The following CSMD3 variants were observed in gnomAD, a reference collection of about 807,000 sequenced individuals.
CSMD3 encodes CUB and sushi domain-containing protein 3.
A neutral mutation model predicts 435.2 loss-of-function variants in CSMD3; 177 were observed. The observed-to-expected ratio is 0.41, with a 90% CI of 0.36 to 0.46. The LOEUF is 0.46. Ranked by LOEUF, CSMD3 falls within the 20% of genes least tolerant of loss-of-function variation. The pLI, the probability that CSMD3 is intolerant of heterozygous loss-of-function variation, is 0.34. For synonymous variants in CSMD3, 1,656 were observed against 1,520.5 expected (o/e 1.09, Z -2.07); for missense variants, 4,265 against 4,504.6 (o/e 0.95, Z 1.52).
rs544129171 is a variant in CSMD3, at chr8:112,975,493, T to C, written c.1342+344A>G. Among the ~76,000 whole-genome samples the C allele has an allele frequency of 1.2e-4, 18 of 152,270 alleles. No homozygotes were observed. The South Asian group carries it at 1.2e-3, about 11-fold the overall frequency. On this transcript the variant is annotated intron_variant, in intron 7 of 70. Transcript: ENST00000297405. ...GCACTTATTAATCAAAACTGGCTAC[T>C]TTATTTTCCTGTTTTGTGAACATCA...
intron 41 of CSMD3, among the ~76,000 whole-genome samples, chr8:112,345,773 T>C (rs1468362221): frequency 6.6e-6 from 1 of 152,096 alleles, no homozygotes; most frequent in Admixed American, 6.5e-5. Context: ...TATTTAGTTC[T>C]TCCAAAATGT....
intron 37 of CSMD3, 135 bp from the exon 38 acceptor site, chr8:112,380,591 A>T (rs531549348): frequency 1.6e-6 from 1 of 630,238 alleles, no homozygotes; most frequent in Admixed American, 2.5e-5. Context: ...AAAAAAATTT[A>T]ATAGAAATAT....
chr8:113,028,817 C>T (rs2086972120), intron 5 of CSMD3, among the ~76,000 whole-genome samples: 1 of 151,470 alleles, frequency 6.6e-6, no homozygotes, highest in Non-Finnish European at 1.5e-5. Flanking sequence ...AAGAAGACAT[C>T]TTCATAATAT....
chr8:112,656,906 C>T (rs530835851), intron 17 of CSMD3, among the ~76,000 whole-genome samples: 2 of 152,086 alleles, frequency 1.3e-5, no homozygotes, highest in Admixed American at 6.6e-5. Flanking sequence ...AATGATGATA[C>T]ATTTGATGTT....
chr8:112,411,004 T>C (rs1183007006), intron 32 of CSMD3, among the ~76,000 whole-genome samples: 2 of 97,034 alleles, frequency 2.1e-5, no homozygotes, highest in Non-Finnish European at 2.6e-5. Flanking sequence ...AACTCTTTCT[T>C]TCTATTAGAA....
chr8:113,399,964 G>A (rs1441743036), intron 1 of CSMD3, among the ~76,000 whole-genome samples: 1 of 137,230 alleles, frequency 7.3e-6, no homozygotes. Flanking sequence ...ATATATATAT[G>A]TATACATATA....
At chr8:112,256,218 A>G (rs1383329122) in intron 61 of CSMD3, among the ~76,000 whole-genome samples, 1 of 152,156 alleles carries the variant, frequency 6.6e-6, no homozygotes, top group Non-Finnish European at 1.5e-5. Context: ...GGGTTTATGC[A>G]TTTGTGAGGG....
chr8:112,669,407 A>G (rs2075603891), intron 16 of CSMD3, among the ~76,000 whole-genome samples: 1 of 152,192 alleles, frequency 6.6e-6, no homozygotes, highest in South Asian at 2.1e-4. Context: ...AACTAAAAAA[A>G]ACAAAAAGTT....
chr8:112,677,525 G>A (rs569705911), intron 16 of CSMD3, among the ~76,000 whole-genome samples: 1 of 148,308 alleles, frequency 6.7e-6, no homozygotes, highest in African/African-American at 2.5e-5. Context: ...CTAGATAACT[G>A]AGCCACATTA....
At chr8:112,286,586 G>T (rs1563739064) in intron 58 of CSMD3, among the ~76,000 whole-genome samples, 2 of 152,164 alleles carry the variant, frequency 1.3e-5, no homozygotes, top group East Asian at 3.9e-4. Flanking sequence ...CTAGTATATT[G>T]CTATAATTGT....
chr8:113,308,338 G>A (rs899479244), intron 2 of CSMD3, among the ~76,000 whole-genome samples: 1 of 120,758 alleles, frequency 8.3e-6, no homozygotes, highest in Non-Finnish European at 1.6e-5. Flanking sequence ...GCGCGATCTC[G>A]GCTCACTGCA....
chr8:113,342,096 G>T (rs1215869001), intron 1 of CSMD3, among the ~76,000 whole-genome samples: 1 of 151,370 alleles, frequency 6.6e-6, no homozygotes, highest in African/African-American at 2.4e-5. Flanking sequence ...AAAAAAACAA[G>T]AAGAAAATTT....
At chr8:112,957,863 A>C (rs1473560676) in intron 7 of CSMD3, among the ~76,000 whole-genome samples, 1 of 152,120 alleles carries the variant, frequency 6.6e-6, no homozygotes, top group African/African-American at 2.4e-5. Context: ...CTCCTGCTAC[A>C]GCCTCCCAAG....
At chr8:112,795,261 G>A (rs985931868) in intron 13 of CSMD3, among the ~76,000 whole-genome samples, 11 of 151,948 alleles carry the variant, frequency 7.2e-5, no homozygotes, top group South Asian at 2.1e-4. Context: ...GGTGTACTAA[G>A]GGATTGGTCA....
rs546812102 is a variant in CSMD3 at position 113,061,419 on chromosome 8, A to T, written c.917+37337T>A. Among the ~76,000 whole-genome samples, 6 of 152,244 alleles carry T rather than the reference A, an allele frequency of 3.9e-5. No individual in the cohort carries two copies. In the East Asian group the frequency reaches 1.2e-3, roughly 29 times the overall value. On this transcript the variant is annotated intron_variant, in intron 5 of 70. Coordinates refer to ENST00000297405, the MANE Select transcript of CSMD3 (RefSeq NM_198123.2). Reference sequence around the variant, plus strand: ...AGTAGATATGTGAGTCAGGAAGTTAAGCTCCTATGAGGAACTAGGAGCCTG... The same window carrying T: ...AGTAGATATGTGAGTCAGGAAGTTATGCTCCTATGAGGAACTAGGAGCCTG...
chr8:113,000,481 G>T (rs1231428384), intron 6 of CSMD3, among the ~76,000 whole-genome samples: 1 of 152,050 alleles, frequency 6.6e-6, no homozygotes, highest in African/African-American at 2.4e-5. Flanking sequence ...ACCACAAAAT[G>T]ATAACCATGT....
At chr8:113,269,705 A>C (rs985395582) in intron 3 of CSMD3, among the ~76,000 whole-genome samples, 1 of 152,180 alleles carries the variant, frequency 6.6e-6, no homozygotes, top group Non-Finnish European at 1.5e-5. Flanking sequence ...AAAAAGAAGA[A>C]ATGGGGAAAG....
At chr8:112,316,902 T>C (rs1326561759) in intron 47 of CSMD3, among the ~76,000 whole-genome samples, 1 of 151,928 alleles carries the variant, frequency 6.6e-6, no homozygotes, top group African/African-American at 2.4e-5. Context: ...AGAAAAATGA[T>C]ACTACTACTT....
chr8:112,520,374 C>A (rs1405525996), intron 27 of CSMD3, among the ~76,000 whole-genome samples: 2 of 151,986 alleles, frequency 1.3e-5, no homozygotes, highest in African/African-American at 2.4e-5. Context: ...ATCTTAAATG[C>A]ATGTTCTTAG....
Sources: gnomAD v4.1 joint callset for allele counts (sites outside exome capture counted in the v4.1 genomes callset) on GRCh38, gnomAD v4.1.1 for gene constraint, MANE v1.5 for transcripts, NCBI Gene and HGNC (gene_info 2026-07-23, HGNC 2026-07-21) for gene names.